Variants in PDE4D observed in about 807,000 individuals in gnomAD.
PDE4D encodes phosphodiesterase 4D.
PDE4D carries 24 observed loss-of-function variants against 87.4 expected under a neutral mutation model. The observed-to-expected ratio is 0.27, with a 90% CI of 0.20 to 0.39. PDE4D has a LOEUF of 0.39. Ranked by LOEUF, PDE4D falls within the 10% of genes least tolerant of loss-of-function variation. PDE4D has a pLI of 1.00. For missense variants in PDE4D, 714 were observed against 1,041.0 expected, an observed-to-expected ratio of 0.69 and a Z score of 4.32; for synonymous variants, 384 against 383.2, an observed-to-expected ratio of 1.00 and a Z score of -0.02.
intron 1 of PDE4D, among the ~76,000 whole-genome samples, chr5:59,620,809 T>A (rs1007806686): frequency 6.6e-6 from 1 of 152,156 alleles, no homozygotes; most frequent in Non-Finnish European, 1.5e-5. Context: ...TGTAGGGATA[T>A]TTTTGGTTTC....
At chr5:59,531,059 C>G (rs1354845136) in intron 1 of PDE4D, among the ~76,000 whole-genome samples, 1 of 152,166 alleles carries the variant, frequency 6.6e-6, no homozygotes, top group African/African-American at 2.4e-5. Flanking sequence ...GTTATTTGGG[C>G]AAGACTGTTT....
chr5:60,213,548 C>A (rs748494360), intron 1 of PDE4D, among the ~76,000 whole-genome samples: 1 of 152,186 alleles, frequency 6.6e-6, no homozygotes, highest in African/African-American at 2.4e-5. Flanking sequence ...CGATTCTTTT[C>A]GCAATTCTCT....
At chr5:60,307,321 T>C (rs1177868727) in intron 1 of PDE4D, among the ~76,000 whole-genome samples, 1 of 152,144 alleles carries the variant, frequency 6.6e-6, no homozygotes, top group Non-Finnish European at 1.5e-5. Context: ...AATGAAAATA[T>C]TATGACACTA....
At chr5:59,902,718 A>T (rs932932759) in intron 3 of PDE4D, among the ~76,000 whole-genome samples, 1 of 152,144 alleles carries the variant, frequency 6.6e-6, no homozygotes, top group African/African-American at 2.4e-5. Context: ...AGCAGAAGAG[A>T]TGGAAACTAA....
chr5:59,539,018 A>T (rs1815796295), intron 1 of PDE4D, among the ~76,000 whole-genome samples: 2 of 152,126 alleles, frequency 1.3e-5, no homozygotes, highest in South Asian at 4.2e-4. Flanking sequence ...CCCAGTCCTA[A>T]AATCAAGGAT....
At chr5:59,401,311 G>A (rs1051188931) in intron 1 of PDE4D, among the ~76,000 whole-genome samples, 1 of 151,854 alleles carries the variant, frequency 6.6e-6, no homozygotes, top group African/African-American at 2.4e-5. Context: ...TGGACATGGT[G>A]GTGCACACCT....
intron 1 of PDE4D, among the ~76,000 whole-genome samples, chr5:59,221,447 C>A (rs149845997): frequency 5.3e-5 from 8 of 152,178 alleles, no homozygotes; most frequent in Non-Finnish European, 7.4e-5. Flanking sequence ...GCCTGGGCAA[C>A]ATGGTGAAAC....
chr5:60,236,943 T>C (rs1746498885), intron 1 of PDE4D, among the ~76,000 whole-genome samples: 1 of 151,984 alleles, frequency 6.6e-6, no homozygotes, highest in Non-Finnish European at 1.5e-5. Context: ...TAAGTTTATG[T>C]TGTTTTAAGC....
intron 3 of PDE4D, among the ~76,000 whole-genome samples, chr5:59,930,489 CT>C (rs1755794961): frequency 6.6e-6 from 1 of 152,200 alleles, no homozygotes; most frequent in Non-Finnish European, 1.5e-5. Flanking sequence ...AAGGAAAGGA[CT>C]CTTTCCTAAA....
intron 1 of PDE4D, among the ~76,000 whole-genome samples, chr5:59,829,397 A>G (rs1218514382): frequency 6.6e-6 from 1 of 152,056 alleles, no homozygotes; most frequent in Non-Finnish European, 1.5e-5. Context: ...CATTTACACA[A>G]TTATGTGAAT....
chr5:59,135,026 A>G (rs2153452664), intron 5 of PDE4D, among the ~76,000 whole-genome samples: 1 of 152,292 alleles, frequency 6.6e-6, no homozygotes, highest in South Asian at 2.1e-4. Context: ...AATGAGTTAC[A>G]TAATGCATGT....
At chr5:59,821,265 C>CAACAAA (rs57389828) in intron 1 of PDE4D, among the ~76,000 whole-genome samples, 1,531 of 151,934 alleles carry the variant, frequency 0.01, 19 homozygotes, top group African/African-American at 0.036. Flanking sequence ...ACAACAACAA[C>CAACAAA]AACAACAACA....
chr5:59,155,440 C>T (rs1439097491), intron 5 of PDE4D, among the ~76,000 whole-genome samples: 3 of 152,086 alleles, frequency 2.0e-5, no homozygotes, highest in Non-Finnish European at 4.4e-5. Flanking sequence ...ATTAGGAGTT[C>T]ATTGGCAACC....
intron 1 of PDE4D, among the ~76,000 whole-genome samples, chr5:60,514,798 A>C (rs536574069): frequency 6.6e-6 from 1 of 152,272 alleles, no homozygotes; most frequent in South Asian, 2.1e-4. Flanking sequence ...AAAAATGCTT[A>C]CCATCAACAT....
chr5:59,107,559 T>G (rs1771825731), intron 5 of PDE4D, among the ~76,000 whole-genome samples: 1 of 152,166 alleles, frequency 6.6e-6, no homozygotes, highest in Non-Finnish European at 1.5e-5. Context: ...AGGAAATCAC[T>G]GAGTTAGCTC....
Position 58,972,549 on chromosome 5 carries a change from G to T in PDE4D, c.*2115C>A, listed in dbSNP as rs999491079. 1 of 152,202 alleles carries T rather than the reference G, an allele frequency of 6.6e-6. No homozygotes were observed. Among genetic ancestry groups the T allele is most frequent in the African/African-American group, 2.4e-5 (1 of 41,462 alleles). 9.4% of individuals were successfully genotyped at this position (152,202 alleles called of 1,614,324 possible). On this transcript the variant is annotated 3_prime_UTR_variant, in exon 15 of 15. Transcript: ENST00000340635. ...CAGTCCCCAGGAGGCTCCTTGAGAAGTTCCACATATAAATGCTTTTCAGAG... is the reference window on the plus strand; with the variant it reads ...CAGTCCCCAGGAGGCTCCTTGAGAATTTCCACATATAAATGCTTTTCAGAG...
At chr5:59,549,243 A>G (rs1188019955) in intron 1 of PDE4D, among the ~76,000 whole-genome samples, 1 of 152,210 alleles carries the variant, frequency 6.6e-6, no homozygotes, top group Non-Finnish European at 1.5e-5. Flanking sequence ...TATGGCCTCC[A>G]AACAGCCAGC....
chr5:59,966,329 A>C (rs1381191125), intron 3 of PDE4D, among the ~76,000 whole-genome samples: 1 of 152,194 alleles, frequency 6.6e-6, no homozygotes, highest in African/African-American at 2.4e-5. Flanking sequence ...ATAGAAAGAC[A>C]AACTCCAGGA....
chr5:58,974,549 A>G lies in PDE4D; in HGVS notation c.*115T>C. 1 of 1,037,148 alleles carries G rather than the reference A, an allele frequency of 9.6e-7. No homozygotes were observed. The highest frequency in any genetic ancestry group is 1.4e-6 in the Non-Finnish European group (1 of 716,946). 64.2% of individuals were successfully genotyped at this position (1,037,148 alleles called of 1,614,324 possible). ...TGAGTAGTCAAGGTCAGTTTTGTTC[A>G]ACAAACGTCCTGGCAGATGACAGTG... On this transcript the variant is annotated 3_prime_UTR_variant, in exon 15 of 15. Coordinates refer to ENST00000340635, the MANE Select transcript of PDE4D (RefSeq NM_001104631.2).
Sources: gnomAD v4.1 joint callset for allele counts (sites outside exome capture counted in the v4.1 genomes callset) on GRCh38, gnomAD v4.1.1 for gene constraint, MANE v1.5 for transcripts, NCBI Gene and HGNC (gene_info 2026-07-23, HGNC 2026-07-21) for gene names.